BRD1: variants seen among roughly 807,000 people sequenced by gnomAD.
The protein encoded by BRD1 is bromodomain-containing protein 1.
BRD1 carries 24 observed loss-of-function variants against 107.7 expected under a neutral mutation model. The ratio of observed to expected loss-of-function variants is 0.22; its 90% CI spans 0.16 to 0.31. BRD1 has a LOEUF of 0.31. BRD1 is among the 10% of genes least tolerant of loss of function. The pLI, the probability that BRD1 is intolerant of heterozygous loss-of-function variation, is 1.00. For missense variants in BRD1, 1,279 were observed against 1,638.6 expected, an observed-to-expected ratio of 0.78 and a Z score of 3.79; for synonymous variants, 744 against 686.1, an observed-to-expected ratio of 1.08 and a Z score of -1.32.
intron 2 of BRD1, chr22:49,818,265 T>C (rs958000286): frequency 3.1e-5 from 39 of 1,270,476 alleles, no homozygotes; most frequent in Non-Finnish European, 3.5e-5. Flanking sequence ...CAGGCTCTCG[T>C]AGTAGAGGAG....
Position 49,803,756 on chromosome 22 carries a change from C to T in BRD1, c.1524+448G>A, listed in dbSNP as rs995028528. Among the ~76,000 whole-genome samples, 1 of 152,164 alleles carries T rather than the reference C, an allele frequency of 6.6e-6. No homozygotes were observed. The highest frequency in any genetic ancestry group is 2.4e-5 in the African/African-American group (1 of 41,424). ...GCAAGGCCCTCGAAATAAACCACTC[C>T]TCACATATTTCCAAAACCCACCCTC... On this transcript the variant is annotated intron_variant, in intron 3 of 12. Transcript: ENST00000404760. The surrounding 1 kb of genome is among the most constrained non-coding windows in gnomAD (Gnocchi z 4.4).
At chr22:49,818,132 G>A (rs2059990043) in intron 2 of BRD1, 2 of 808,246 alleles carry the variant, frequency 2.5e-6, no homozygotes, top group African/African-American at 3.7e-5. Context: ...TGACACCAGT[G>A]AAGGCGGGAG....
chr22:49,783,213 C>T lies in BRD1; in HGVS notation c.2857+4177G>A, dbSNP rs890125177. Among the ~76,000 whole-genome samples, 8 of 152,270 alleles carry T rather than the reference C, an allele frequency of 5.3e-5. No individual in the cohort carries two copies. The highest frequency in any genetic ancestry group is 1.0e-4 in the Non-Finnish European group (7 of 68,048). ...GGACAGACGCCTGCACAAGATCCCA[C>T]GCACAGATGCCCCACCCCACGAGCA... On this transcript the variant is annotated intron_variant, in intron 8 of 12. Coordinates refer to ENST00000404760, the MANE Select transcript of BRD1 (RefSeq NM_001304808.3). The surrounding 1 kb of genome is among the most constrained non-coding windows in gnomAD (Gnocchi z 4.2).
rs561023407 is a variant in BRD1, at chr22:49,783,011, G to A, written c.2857+4379C>T. 7.4e-5 allele frequency among the ~76,000 whole-genome samples: 11 copies of A among 147,716 alleles called. No individual in the cohort carries two copies. In the South Asian group the frequency reaches 2.5e-3, roughly 33 times the overall value. On this transcript the variant is annotated intron_variant, in intron 8 of 12. Transcript: ENST00000404760. The surrounding 1 kb of genome is among the most constrained non-coding windows in gnomAD (Gnocchi z 4.2). ...ACCTGCTCCATGACAATGCAGCTGG[G>A]ACGGTCAGAGACAGACCCAAGGCCC...
chr22:49,791,297 G>A (rs1030703094), intron 7 of BRD1, among the ~76,000 whole-genome samples: 4 of 152,352 alleles, frequency 2.6e-5, no homozygotes, highest in Non-Finnish European at 5.9e-5. Flanking sequence ...GCAGACCGGG[G>A]CCAACAGTGC....
At chr22:49,826,721 C>T (rs1398049839) in intron 1 of BRD1, among the ~76,000 whole-genome samples, 3 of 152,204 alleles carry the variant, frequency 2.0e-5, no homozygotes, top group Non-Finnish European at 4.4e-5. Context: ...CAAAAACATC[C>T]GCCGATTCCA....
At chr22:49,804,381 G>C in intron 2 of BRD1, 21 bp from the exon 3 acceptor site, 2 of 1,585,756 alleles carry the variant, frequency 1.3e-6, no homozygotes, top group Non-Finnish European at 1.7e-6. Flanking sequence ...AACACTCAGT[G>C]TATCTTTGAA....
At chr22:49,795,329 G>A (rs2059510534) in intron 6 of BRD1, among the ~76,000 whole-genome samples, 1 of 152,188 alleles carries the variant, frequency 6.6e-6, no homozygotes. Flanking sequence ...GCTGAGAAGA[G>A]CAGCAGGTGC....
chr22:49,777,551 A>C (rs1421904394), intron 9 of BRD1, 127 bp downstream of exon 9: 1 of 1,339,758 alleles, frequency 7.5e-7, no homozygotes, highest in East Asian at 2.5e-5. Flanking sequence ...GCACACATGA[A>C]TCCCAGGCCA....
intron 2 of BRD1, among the ~76,000 whole-genome samples, chr22:49,812,080 T>G (rs2059859916): frequency 6.7e-6 from 1 of 149,454 alleles, no homozygotes; most frequent in Non-Finnish European, 1.5e-5. Context: ...GATAAAATCC[T>G]ATGGCAAGGA....
At chr22:49,794,754 C>T (rs953897030) in intron 6 of BRD1, among the ~76,000 whole-genome samples, 1 of 152,222 alleles carries the variant, frequency 6.6e-6, no homozygotes, top group Non-Finnish European at 1.5e-5. Flanking sequence ...GGCCATTGCA[C>T]GTCCTAAGTG....
intron 7 of BRD1, 119 bp from the exon 8 acceptor site, chr22:49,788,006 G>A (rs2046735428): frequency 9.8e-7 from 1 of 1,024,602 alleles, no homozygotes; most frequent in South Asian, 1.8e-5. Flanking sequence ...ACAAGGCATC[G>A]CATGTACTGT....
chr22:49,797,488 G>C (rs76268181), intron 6 of BRD1, among the ~76,000 whole-genome samples: 12,721 of 152,220 alleles, frequency 0.084, 642 homozygotes, highest in South Asian at 0.17. Context: ...CCAGTCTGAA[G>C]TGACAGGTGC....
chr22:49,823,439 C>T lies in BRD1; in HGVS notation c.879G>A (p.Val293=), dbSNP rs751534673. 1.2e-6 allele frequency: 2 copies of T among 1,611,730 alleles called. No homozygotes were observed. The highest frequency in any genetic ancestry group is 2.2e-5 in the East Asian group (1 of 44,868). The change falls in exon 2 of 13, where the codon GTG becomes GTA. Residue 293 remains valine (V), a synonymous_variant. Coordinates refer to ENST00000404760, the MANE Select transcript of BRD1 (RefSeq NM_001304808.3). ...CGACCTCTGGGATCCACAGGGCACA[C>T]ACCACGTGACCCCAGCGGTCGTCAT... is the stretch of plus-strand genomic sequence containing the variant. ...KTDDDRWGHV[V]CALWIPEVGF... is the part of the protein sequence containing the mutation.
chr22:49,812,806 G>A (rs979401979), intron 2 of BRD1, among the ~76,000 whole-genome samples: 1 of 150,980 alleles, frequency 6.6e-6, no homozygotes, highest in Admixed American at 6.6e-5. Flanking sequence ...ACAAGGTGCC[G>A]CCCATGTACA....
chr22:49,790,150 GCCCAGCCGGGACCACACAGGCCCCTCC>G (rs1321111902), intron 7 of BRD1, among the ~76,000 whole-genome samples: 1 of 152,160 alleles, frequency 6.6e-6, no homozygotes, highest in Non-Finnish European at 1.5e-5. Flanking sequence ...TCAGCCACCT[GCCCAGCCGGGACCACACAGGCCCCTCC>G]CCCAGCCGGG....
chr22:49,824,103 T>C lies in BRD1; in HGVS notation c.215A>G (p.Glu72Gly). ...EDDLTAQEMS[E>G]CNSNKENSER... is the part of the protein sequence containing the mutation. ...GCTGTTTTCCTTGTTGCTGTTGCAC[T>C]CACTCATCTCTTGAGCAGTGAGGTC... Residue 72 changes from glutamate to glycine, a missense_variant, in exon 2 of 13, where the codon GAG becomes GGG. Physicochemically the swap from Glu to Gly is moderately conservative, Grantham distance 98. Around this residue, in one of 7 missense-constraint regions of BRD1, gnomAD observed 223 missense variants for 263.5 expected, o/e 0.85. Coordinates refer to ENST00000404760, the MANE Select transcript of BRD1 (RefSeq NM_001304808.3). This position sits in a 1 kb window ranked among gnomAD's most constrained non-coding sequence, Gnocchi z 5.9. 1 of 1,614,050 alleles carries C rather than the reference T, an allele frequency of 6.2e-7. No homozygotes were observed.
At chr22:49,798,917 A>G (rs1041833168) in intron 4 of BRD1, 71 bp downstream of exon 4, 2 of 1,526,372 alleles carry the variant, frequency 1.3e-6, no homozygotes, top group Non-Finnish European at 8.8e-7. Flanking sequence ...CACCCTCTGC[A>G]GGAGCTGCCA....
rs1431024181 is a variant in BRD1, at chr22:49,783,063, A to G, written c.2857+4327T>C. On this transcript the variant is annotated intron_variant, in intron 8 of 12. Coordinates refer to ENST00000404760, the MANE Select transcript of BRD1 (RefSeq NM_001304808.3). This position sits in a 1 kb window ranked among gnomAD's most constrained non-coding sequence, Gnocchi z 4.2. The stretch of plus-strand genomic sequence containing the variant: ...TCGTGCTGGGACTCGCTCCGTGACA[A>G]TGCAGCTGGGATGGTCAGAGACAGA... Among the ~76,000 whole-genome samples, 1 of 151,596 alleles carries G rather than the reference A, an allele frequency of 6.6e-6. No individual in the cohort carries two copies. The highest frequency in any genetic ancestry group is 2.4e-5 in the African/African-American group (1 of 41,224).
Sources: gnomAD v4.1 joint callset for allele counts (sites outside exome capture counted in the v4.1 genomes callset) on GRCh38, gnomAD v4.1.1 for gene constraint, gnomAD v4.1.1 regional missense constraint, Gnocchi (gnomAD v3.1) non-coding constraint, MANE v1.5 for transcripts, NCBI Gene and HGNC (gene_info 2026-07-23, HGNC 2026-07-21) for gene names.